Variants in GRPEL1 observed in about 807,000 individuals in gnomAD.
GRPEL1 encodes grpE protein homolog 1, mitochondrial.
Under a neutral mutation model 22.1 loss-of-function variants are expected in GRPEL1, and 13 were observed. The observed-to-expected ratio is 0.59, with a 90% CI of 0.38 to 0.94. The LOEUF is 0.94. GRPEL1 is among the 40% of genes least tolerant of loss of function. The pLI, the probability that GRPEL1 is intolerant of heterozygous loss-of-function variation, is 0.00. For synonymous variants in GRPEL1, 109 were observed against 105.3 expected (o/e 1.03, Z -0.21); for missense variants, 289 against 264.6 (o/e 1.09, Z -0.64).
At position 7,068,046 on chromosome 4, in the gene GRPEL1, C is replaced by T. The variant is rs754419867; in HGVS notation, c.-14G>A. 181 of 1,611,952 alleles carry T rather than the reference C, an allele frequency of 1.1e-4. No homozygotes were observed. Among genetic ancestry groups the T allele is most frequent in the Middle Eastern group, 1.6e-4 (1 of 6,080 alleles). On this transcript the variant is annotated 5_prime_UTR_variant, in exon 1 of 4. Transcript: ENST00000264954. ...CTGAGCCGCCATGACTGCCACTGCCCGTCGCAGTCGCCGCGCACGCACCAA... is the reference window on the plus strand; with the variant it reads ...CTGAGCCGCCATGACTGCCACTGCCTGTCGCAGTCGCCGCGCACGCACCAA...
chr4:7,062,322 C>A, intron 3 of GRPEL1, 63 bp downstream of exon 3: 1 of 689,394 alleles, frequency 1.5e-6, no homozygotes, highest in South Asian at 1.6e-5. Flanking sequence ...GTATGCATGG[C>A]CTTCCCCTTC....
intron 3 of GRPEL1, chr4:7,061,845 C>T (rs1405035725): frequency 6.5e-6 from 1 of 153,276 alleles, no homozygotes; most frequent in Non-Finnish European, 1.5e-5. Flanking sequence ...CATTTACCCT[C>T]CCTCGAGCCT....
Position 7,064,200 on chromosome 4 carries a change from G to A in GRPEL1, c.86C>T (p.Thr29Ile). ...GCCACTGTTCTTTTGTTTCGTGGCTGTGCACAACAACCGGGGAGATGGCCT... is the reference window on the plus strand; with the variant it reads ...GCCACTGTTCTTTTGTTTCGTGGCTATGCACAACAACCGGGGAGATGGCCT... The part of the protein sequence containing the change: ...SLRPSPRLLC[T>I]ATKQKNSGQN... The change falls in exon 2 of 4, where the codon ACA becomes ATA. Residue 29 changes from threonine to isoleucine, a missense_variant. Thr to Ile is a moderately conservative substitution (Grantham distance 89). Transcript: ENST00000264954. The A allele has an allele frequency of 6.2e-7, 1 of 1,613,600 alleles. No individual in the cohort carries two copies. Among genetic ancestry groups the A allele is most frequent in the South Asian group, 1.1e-5 (1 of 91,010 alleles).
Position 7,060,970 on chromosome 4 carries a change from C to T in GRPEL1, c.546G>A (p.Pro182=), listed in dbSNP as rs139768582. Residue 182 remains proline, a synonymous_variant, in exon 4 of 4, where the codon CCG becomes CCA. Transcript: ENST00000264954. The part of the protein sequence containing the change: ...PYEHEALFHT[P]VEGKEPGTVA... Reference sequence around the variant, plus strand: ...CTGTGCCTGGCTCCTTCCCCTCAACCGGTGTGTGGAACAAGGCCTCATGTT... The same window carrying T: ...CTGTGCCTGGCTCCTTCCCCTCAACTGGTGTGTGGAACAAGGCCTCATGTT... 26 of 1,614,186 alleles carry T rather than the reference C, an allele frequency of 1.6e-5. No homozygotes were observed. The African/African-American group carries it at 1.9e-4, about 12-fold the overall frequency.
rs1440015362 is a variant in GRPEL1 at position 7,059,328 on chromosome 4, G to T, written c.*1534C>A. 3 of 152,214 alleles carry T rather than the reference G, an allele frequency of 2.0e-5. No homozygotes were observed. Among genetic ancestry groups the T allele is most frequent in the African/African-American group, 7.2e-5 (3 of 41,454 alleles). 9.4% of individuals were successfully genotyped at this position (152,214 alleles called of 1,614,324 possible). A position where few individuals can be genotyped will look rare whatever the true frequency, so the allele number is the denominator to read the frequency against. On this transcript the variant is annotated 3_prime_UTR_variant, in exon 4 of 4. Transcript: ENST00000264954. ...ACGAGTTAAGTGCTTTTTAGCAACT[G>T]CAGCTGTAGTTGAGACGGTAGGAGA...
chr4:7,067,634 C>T (rs760665388), intron 1 of GRPEL1: 1 of 389,872 alleles, frequency 2.6e-6, no homozygotes, highest in Non-Finnish European at 4.6e-6. Context: ...CCCGTGAGCG[C>T]CGAGACCGTG....
chr4:7,059,651 G>C lies in GRPEL1; in HGVS notation c.*1211C>G, dbSNP rs3796908. 1 of 152,276 alleles carries C rather than the reference G, an allele frequency of 6.6e-6. No homozygotes were observed. The highest frequency in any genetic ancestry group is 6.5e-5 in the Admixed American group (1 of 15,304). The allele number at this position is 152,276 out of a possible 1,614,324, so 9.4% of individuals were successfully genotyped here. A position where few individuals can be genotyped will look rare whatever the true frequency, so the allele number is the denominator to read the frequency against. On this transcript the variant is annotated 3_prime_UTR_variant, in exon 4 of 4. Transcript: ENST00000264954. Reference sequence around the variant, plus strand: ...TGAAATAAACTGCCCCATCTTTCCTGTGCAGCAAATGGCTTTCACAAGTAT... The same window carrying C: ...TGAAATAAACTGCCCCATCTTTCCTCTGCAGCAAATGGCTTTCACAAGTAT...
In GRPEL1 at chr4:7,061,063, G is replaced by C; in HGVS notation, c.453C>G (p.Ile151Met). The change falls in exon 4 of 4, where the codon ATC becomes ATG. Residue 151 changes from isoleucine to methionine, a missense_variant. By Grantham distance (10) the Ile-to-Met change is conservative. Transcript: ENST00000264954. Reference protein sequence around the residue: ...YEGLVMTEVQIQKVFTKHGLL... With the variant: ...YEGLVMTEVQMQKVFTKHGLL... ...AGCCATGCTTTGTGAACACCTTCTG[G>C]ATCTGGACTTCAGTCATGACCAGCC... is the stretch of plus-strand genomic sequence containing the variant. 1 of 1,614,186 alleles carries C rather than the reference G, an allele frequency of 6.2e-7. No individual in the cohort carries two copies. The highest frequency in any genetic ancestry group is 8.5e-7 in the Non-Finnish European group (1 of 1,180,030).
chr4:7,062,507 TATATATATC>T lies in GRPEL1; in HGVS notation c.226-50_226-42del, dbSNP rs772428002. On this transcript the variant is annotated intron_variant, in intron 2 of 3. Transcript: ENST00000264954. The stretch of plus-strand genomic sequence containing the variant: ...AGGGATATTTATATATATATATATA[TATATATATC>T]TTTTTTTTTGAGACGGAATCTTGCT... The T allele has an allele frequency of 2.8e-4, 160 of 570,862 alleles. 8 individuals carry two copies. Among genetic ancestry groups the T allele is most frequent in the Admixed American group, 5.8e-4 (13 of 22,592 alleles). 35.4% of individuals were successfully genotyped at this position (570,862 alleles called of 1,614,324 possible). A position where few individuals can be genotyped will look rare whatever the true frequency, so the allele number is the denominator to read the frequency against.
chr4:7,064,791 G>C (rs1203263333), intron 1 of GRPEL1, among the ~76,000 whole-genome samples: 1 of 152,090 alleles, frequency 6.6e-6, no homozygotes, highest in Non-Finnish European at 1.5e-5. Flanking sequence ...GAGCCACCGC[G>C]CCTGGCCTCT....
rs1724031242 is a variant in GRPEL1, at chr4:7,061,114, G to A, written c.402C>T (p.Asn134=). The A allele has an allele frequency of 6.2e-6, 10 of 1,614,052 alleles. No homozygotes were observed. Among genetic ancestry groups the A allele is most frequent in the Non-Finnish European group, 8.5e-6 (10 of 1,180,048 alleles). ...CVPKEEIKDD[N]PHLKNLYEGL... is the part of the protein sequence containing the mutation. Reference sequence around the variant, plus strand: ...CCTCATAGAGGTTCTTCAGGTGAGGGTTATCGTCTTTAATTTCTTCTTTTG... The same window carrying A: ...CCTCATAGAGGTTCTTCAGGTGAGGATTATCGTCTTTAATTTCTTCTTTTG... The change falls in exon 4 of 4, where the codon AAC becomes AAT. Residue 134 remains asparagine (N), a synonymous_variant. Coordinates refer to ENST00000264954, the MANE Select transcript of GRPEL1 (RefSeq NM_025196.4).
At chr4:7,067,676 A>G (rs1724204531) in intron 1 of GRPEL1, 2 of 494,190 alleles carry the variant, frequency 4.0e-6, no homozygotes, top group Non-Finnish European at 7.1e-6. Context: ...CAGGCCCTGG[A>G]CCACACGCGC....
intron 3 of GRPEL1, chr4:7,062,182 C>T (rs2108791128): frequency 2.8e-6 from 1 of 355,490 alleles, no homozygotes; most frequent in African/African-American, 2.1e-5. Context: ...ATTTACAATT[C>T]TTCATGCTAG....
chr4:7,068,037 G>A lies in GRPEL1; in HGVS notation c.-5C>T, dbSNP rs1724218485. 4.3e-6 allele frequency: 7 copies of A among 1,612,602 alleles called. No individual in the cohort carries two copies. Among genetic ancestry groups the A allele is most frequent in the South Asian group, 2.2e-5 (2 of 90,974 alleles). ...CCTCACGCACTGAGCCGCCATGACT[G>A]CCACTGCCCGTCGCAGTCGCCGCGC... On this transcript the variant is annotated 5_prime_UTR_variant, in exon 1 of 4. Transcript: ENST00000264954.
rs527469951 is a variant in GRPEL1 at position 7,066,583 on chromosome 4, G to A, written c.62+1388C>T. On this transcript the variant is annotated intron_variant, in intron 1 of 3. Coordinates refer to ENST00000264954, the MANE Select transcript of GRPEL1 (RefSeq NM_025196.4). The stretch of plus-strand genomic sequence containing the variant: ...ATTTTTACTCTTGTGAATTTAAAAA[G>A]CTAAGAATTTAAATAAAAACTGAGT... Among the ~76,000 whole-genome samples, 28 of 152,338 alleles carry A rather than the reference G, an allele frequency of 1.8e-4. No homozygotes were observed. The South Asian group carries it at 5.4e-3, about 29-fold the overall frequency.
In GRPEL1 at chr4:7,062,490, TTATATATATATATA is replaced by T; in HGVS notation, c.226-38_226-25del. On this transcript the variant is annotated intron_variant, in intron 2 of 3. Coordinates refer to ENST00000264954, the MANE Select transcript of GRPEL1 (RefSeq NM_025196.4). The stretch of plus-strand genomic sequence containing the variant: ...TCCTAAAAGAGAAAAAAAGGGATAT[TTATATATATATATA>T]TATATATATATCTTTTTTTTTGAGA... 8.1e-6 allele frequency: 5 copies of T among 614,456 alleles called. 1 individual carries two copies. Among genetic ancestry groups the T allele is most frequent in the African/African-American group, 5.7e-5 (2 of 35,000 alleles). The allele number at this position is 614,456 out of a possible 1,614,324, so 38.1% of individuals were successfully genotyped here.
At chr4:7,064,636 C>G (rs1319977093) in intron 1 of GRPEL1, among the ~76,000 whole-genome samples, 1 of 152,096 alleles carries the variant, frequency 6.6e-6, no homozygotes, top group Non-Finnish European at 1.5e-5. Flanking sequence ...ACCTCAACCT[C>G]CCCAGTTGCT....
chr4:7,065,568 T>G (rs578108917), intron 1 of GRPEL1, among the ~76,000 whole-genome samples: 1 of 151,020 alleles, frequency 6.6e-6, no homozygotes, highest in South Asian at 2.1e-4. Context: ...CTTTGTGCTT[T>G]GGGAGGCTCA....
Position 7,060,947 on chromosome 4 carries a change from G to A in GRPEL1, c.569C>T (p.Thr190Ile). ...CCCCACTTTGCTAACTAGGGCCACT[G>A]TGCCTGGCTCCTTCCCCTCAACCGG... ...HTPVEGKEPG[T>I]VALVSKVGYK... is the part of the protein sequence containing the mutation. Residue 190 changes from threonine (T) to isoleucine (I), a missense_variant, in exon 4 of 4, where the codon ACA (threonine) becomes ATA (isoleucine). Coordinates refer to ENST00000264954, the MANE Select transcript of GRPEL1 (RefSeq NM_025196.4). 1.2e-6 allele frequency: 2 copies of A among 1,614,214 alleles called. No individual in the cohort carries two copies. The highest frequency in any genetic ancestry group is 1.7e-6 in the Non-Finnish European group (2 of 1,180,042).
Sources: gnomAD v4.1 joint callset for allele counts (sites outside exome capture counted in the v4.1 genomes callset) on GRCh38, gnomAD v4.1.1 for gene constraint, MANE v1.5 for transcripts, NCBI Gene and HGNC (gene_info 2026-07-23, HGNC 2026-07-21) for gene names.